The following TMEM67 variants were observed in gnomAD, a reference collection of about 807,000 sequenced individuals.
TMEM67 encodes the protein transmembrane protein 67.
Under a neutral mutation model 136.6 loss-of-function variants are expected in TMEM67, and 124 were observed. The observed-to-expected ratio is 0.91, with a 90% CI of 0.78 to 1.05. The LOEUF is 1.05. Among genes scored for constraint, TMEM67 ranks in the 50% least tolerant of loss-of-function variants. TMEM67 has a pLI of 0.00. For missense variants in TMEM67, 1,107 were observed against 1,178.4 expected (o/e 0.94, Z 0.89); for synonymous variants, 364 against 390.5 (o/e 0.93, Z 0.80).
intron 15 of TMEM67, among the ~76,000 whole-genome samples, 172 bp downstream of exon 15, chr8:93,791,491 T>C (rs1814373688): frequency 6.6e-6 from 1 of 152,250 alleles, no homozygotes; most frequent in Non-Finnish European, 1.5e-5. Context: ...TTAATATTGA[T>C]GTAGTCCTAT....
Position 93,763,922 on chromosome 8 carries a change from G to GT in TMEM67, c.488dup (p.Asn164LysfsTer11). 6.2e-7 allele frequency: 1 copy of GT among 1,612,972 alleles called. No homozygotes were observed. Among genetic ancestry groups the GT allele is most frequent in the Non-Finnish European group, 8.5e-7 (1 of 1,179,048 alleles). ...TGGAAATGAAAACTCTTTTATGGTA[G>GT]TAAATGCTTTAGGAGACAGGTAAGC... On this transcript the variant is annotated frameshift_variant, in exon 4 of 28. Coordinates refer to ENST00000453321, the MANE Select transcript of TMEM67 (RefSeq NM_153704.6). LOFTEE classifies it high-confidence loss of function.
In TMEM67 at chr8:93,786,338, A is replaced by G. The variant is rs1419161853; in HGVS notation, c.1404A>G (p.Ile468Met). ...QPRVIRVATQ[I>M]SLSVHLVPNT... ...GAGTAATTCGAGTTGCTACTCAAAT[A>G]TCACTGAGGTAAACAAATGTCTAAT... Residue 468 changes from isoleucine to methionine, a missense_variant, in exon 13 of 28, where the codon ATA (isoleucine) becomes ATG (methionine). By Grantham distance (10) the Ile-to-Met change is conservative (BLOSUM62 1). This residue lies in a region of TMEM67 where 925 missense variants were observed against 1,002.4 expected (regional missense o/e 0.92). Transcript: ENST00000453321. 6 of 1,613,760 alleles carry G rather than the reference A, an allele frequency of 3.7e-6. No individual in the cohort carries two copies. The African/African-American group carries it at 6.7e-5, about 18-fold the overall frequency.
chr8:93,785,353 A>G lies in TMEM67; in HGVS notation c.1263A>G (p.Gln421=), dbSNP rs562251879. Residue 421 remains glutamine, a synonymous_variant, in exon 12 of 28, where the codon CAA becomes CAG. Coordinates refer to ENST00000453321, the MANE Select transcript of TMEM67 (RefSeq NM_153704.6). ...TGCCTGTGTTAAACCTAAATCTTCA[A>G]CATAATAAGATATTTGTGAACCAAG... ...LAVPVLNLNL[Q]HNKIFVNQDS... 1.2e-5 allele frequency: 19 copies of G among 1,612,556 alleles called. No homozygotes were observed. In the African/African-American group the frequency reaches 2.5e-4, roughly 21 times the overall value.
downstream of TMEM67, among the ~76,000 whole-genome samples, chr8:93,822,527 A>G (rs1171318543): frequency 6.6e-6 from 1 of 152,174 alleles, no homozygotes; most frequent in Admixed American, 6.5e-5. Flanking sequence ...TAACCTTTTC[A>G]GGACCAGGCT....
intron 2 of TMEM67, chr8:93,757,090 T>TATAAATAAATAA (rs57425175): frequency 2.7e-5 from 4 of 146,468 alleles, no homozygotes; most frequent in South Asian, 2.1e-4. Context: ...ATAAATAAAA[T>TATAAATAAATAA]ATAAATAAAT....
At chr8:93,783,981 T>G (rs940307340) in intron 11 of TMEM67, among the ~76,000 whole-genome samples, 1 of 152,212 alleles carries the variant, frequency 6.6e-6, no homozygotes, top group African/African-American at 2.4e-5. Flanking sequence ...ATCAATTCAT[T>G]AGTCTGTAAA....
intron 20 of TMEM67, among the ~76,000 whole-genome samples, chr8:93,798,795 G>A (rs1474770054): frequency 6.6e-6 from 1 of 151,972 alleles, no homozygotes; most frequent in Non-Finnish European, 1.5e-5. Context: ...ACTTGAAGTG[G>A]TATTTTGGTT....
chr8:93,796,598 A>G (rs1188880711), intron 18 of TMEM67, among the ~76,000 whole-genome samples: 1 of 152,238 alleles, frequency 6.6e-6, no homozygotes, highest in Non-Finnish European at 1.5e-5. Flanking sequence ...AGCAACTAGA[A>G]AGAATGCCTC....
chr8:93,796,202 T>C (rs535586204), intron 18 of TMEM67, among the ~76,000 whole-genome samples: 1 of 152,308 alleles, frequency 6.6e-6, no homozygotes, highest in South Asian at 2.1e-4. Flanking sequence ...AAGCCATGAA[T>C]TTGTATGGCT....
At chr8:93,756,952 T>G (rs1017201862) in intron 2 of TMEM67, 2 of 152,028 alleles carry the variant, frequency 1.3e-5, no homozygotes, top group African/African-American at 4.8e-5. Flanking sequence ...CGCGTGCCTG[T>G]AGTCCCAGCT....
downstream of TMEM67, among the ~76,000 whole-genome samples, chr8:93,818,795 T>G (rs1281648560): frequency 6.6e-6 from 1 of 151,782 alleles, no homozygotes; most frequent in African/African-American, 2.4e-5. Context: ...GTTTCGTGGG[T>G]GTGTGTGTGT....
chr8:93,805,819 G>T (rs948524579), intron 23 of TMEM67, among the ~76,000 whole-genome samples: 1 of 152,144 alleles, frequency 6.6e-6, no homozygotes, highest in Non-Finnish European at 1.5e-5. Context: ...ATTATCAGTG[G>T]ATGCTAAACG....
chr8:93,814,654 T>TTC (rs1448556625), intron 26 of TMEM67, among the ~76,000 whole-genome samples: 4 of 145,562 alleles, frequency 2.7e-5, no homozygotes, highest in African/African-American at 1.0e-4. Context: ...CTTTCTTTCT[T>TTC]TTTTTTTTTT....
chr8:93,809,972 T>TC (rs1232310208), intron 26 of TMEM67, 85 bp downstream of exon 26: 2 of 171,434 alleles, frequency 1.2e-5, no homozygotes, highest in African/African-American at 5.7e-5. Context: ...TCTTTTTTTC[T>TC]TTTTTTTTTT....
intron 23 of TMEM67, among the ~76,000 whole-genome samples, chr8:93,808,503 GATGAATATATATATTTATA>G (rs1209102494): frequency 5.6e-3 from 780 of 138,510 alleles, no homozygotes; most frequent in South Asian, 7.5e-3. Flanking sequence ...ATCTATTATA[GATGAATATATATATTTATA>G]ATCTATATAT....
Position 93,785,346 on chromosome 8 carries a change from A to G in TMEM67, c.1256A>G (p.Asn419Ser). The G allele has an allele frequency of 6.2e-7, 1 of 1,612,670 alleles. No individual in the cohort carries two copies. The highest frequency in any genetic ancestry group is 1.3e-5 in the African/African-American group (1 of 75,018). Residue 419 changes from asparagine (N) to serine (S), a missense_variant, in exon 12 of 28, where the codon AAT (asparagine) becomes AGT (serine). Asn to Ser is a conservative substitution (Grantham distance 46). Coordinates refer to ENST00000453321, the MANE Select transcript of TMEM67 (RefSeq NM_153704.6). ...TTGGCTGTGCCTGTGTTAAACCTAA[A>G]TCTTCAACATAATAAGATATTTGTG... ...YILAVPVLNL[N>S]LQHNKIFVNQ...
rs1808925151 is a variant in TMEM67 at position 93,816,740 on chromosome 8, C to G, written c.*288C>G. 5.0e-6 allele frequency: 1 copy of G among 198,362 alleles called. No homozygotes were observed. The highest frequency in any genetic ancestry group is 2.3e-5 in the African/African-American group (1 of 43,176). The allele number at this position is 198,362 out of a possible 1,614,324, so 12.3% of individuals were successfully genotyped here. A position where few individuals can be genotyped will look rare whatever the true frequency, so the allele number is the denominator to read the frequency against. On this transcript the variant is annotated 3_prime_UTR_variant, in exon 28 of 28. Transcript: ENST00000453321. ...GCTTTCAGCATAATACTTTTTAATG[C>G]TAATTAAAACAGTCCCCATCATTTG...
chr8:93,757,886 A>G (rs967792016), intron 2 of TMEM67, among the ~76,000 whole-genome samples: 1 of 151,540 alleles, frequency 6.6e-6, no homozygotes, highest in Non-Finnish European at 1.5e-5. Flanking sequence ...TCAGCCTCCC[A>G]AGTAGGATTA....
chr8:93,813,132 C>T (rs1808765321), intron 26 of TMEM67, among the ~76,000 whole-genome samples: 2 of 152,024 alleles, frequency 1.3e-5, no homozygotes, highest in Middle Eastern at 3.2e-3. Context: ...GTCTTCCTTC[C>T]TCTTCCTCCT....
Sources: allele counts gnomAD v4.1 joint callset (sites outside exome capture counted in the v4.1 genomes callset), GRCh38; gene constraint gnomAD v4.1.1; regional missense constraint gnomAD v4.1.1; transcripts MANE v1.5; gene names NCBI Gene and HGNC (gene_info 2026-07-23, HGNC 2026-07-21).